ZPBP: variants seen among roughly 807,000 people sequenced by gnomAD.
ZPBP encodes the protein zona pellucida binding protein, also known as zona pellucida-binding protein 1.
In ZPBP, 26 loss-of-function variants were observed where a neutral mutation model predicts 44.8. The observed-to-expected ratio is 0.58, with a 90% CI of 0.43 to 0.81. The LOEUF is 0.81. Ranked by LOEUF, ZPBP falls within the 30% of genes least tolerant of loss-of-function variation. The pLI is 0.00. For synonymous variants in ZPBP, 174 were observed against 153.2 expected, an observed-to-expected ratio of 1.14 and a Z score of -1.00; for missense variants, 409 against 434.0, an observed-to-expected ratio of 0.94 and a Z score of 0.51.
At chr7:49,968,803 C>T (rs1304766377) in intron 7 of ZPBP, among the ~76,000 whole-genome samples, 1 of 151,746 alleles carries the variant, frequency 6.6e-6, no homozygotes, top group African/African-American at 2.4e-5. Flanking sequence ...AATAATAGCA[C>T]AAATAAATTC....
intron 6 of ZPBP, among the ~76,000 whole-genome samples, chr7:50,015,931 T>C (rs368699949): frequency 6.6e-5 from 10 of 152,230 alleles, no homozygotes; most frequent in Middle Eastern, 3.4e-3. Flanking sequence ...GGTAAGGTTA[T>C]AGAGAAAAGA....
At chr7:49,940,235 T>C (rs895141020) in intron 7 of ZPBP, among the ~76,000 whole-genome samples, 2 of 152,130 alleles carry the variant, frequency 1.3e-5, no homozygotes, top group African/African-American at 4.8e-5. Context: ...CTTTTGGCCT[T>C]TGCAGATCTC....
chr7:50,023,033 T>C (rs933651793), intron 5 of ZPBP, among the ~76,000 whole-genome samples: 1 of 152,036 alleles, frequency 6.6e-6, no homozygotes, highest in African/African-American at 2.4e-5. Context: ...AGGAGAAAAG[T>C]AACCACTTAG....
chr7:49,903,465 G>A (rs1245893448), intron 1 of ZPBP, among the ~76,000 whole-genome samples: 1 of 152,176 alleles, frequency 6.6e-6, no homozygotes, highest in Non-Finnish European at 1.5e-5. Context: ...GCTTTATGCT[G>A]AGTTTTAAAA....
At chr7:49,940,620 C>A (rs1794833531) in intron 7 of ZPBP, 1 of 278,096 alleles carries the variant, frequency 3.6e-6, no homozygotes, top group Non-Finnish European at 5.4e-6. Context: ...CTATGGAAAC[C>A]AGCCATAGGT....
At chr7:49,999,596 G>A (rs1379525170) in intron 6 of ZPBP, among the ~76,000 whole-genome samples, 3 of 152,168 alleles carry the variant, frequency 2.0e-5, no homozygotes, top group Non-Finnish European at 2.9e-5. Context: ...AGAACCAAAA[G>A]ATGATGGTCT....
intron 3 of ZPBP, among the ~76,000 whole-genome samples, chr7:50,065,523 A>G (rs1362564593): frequency 6.6e-6 from 1 of 150,990 alleles, no homozygotes; most frequent in Non-Finnish European, 1.5e-5. Flanking sequence ...GCGATACAGT[A>G]CTTTTCAATT....
intron 6 of ZPBP, among the ~76,000 whole-genome samples, chr7:49,986,447 A>T (rs1292032516): frequency 6.6e-6 from 1 of 152,134 alleles, no homozygotes; most frequent in Admixed American, 6.5e-5. Flanking sequence ...CCTGCGTGGC[A>T]GGCTGGCCAG....
At chr7:49,999,111 TC>T (rs1178683182) in intron 6 of ZPBP, among the ~76,000 whole-genome samples, 1 of 151,910 alleles carries the variant, frequency 6.6e-6, no homozygotes. Flanking sequence ...ACACTTCTGG[TC>T]CCAAGCATTT....
chr7:49,953,998 G>A (rs967330829), intron 7 of ZPBP, among the ~76,000 whole-genome samples: 4 of 151,714 alleles, frequency 2.6e-5, no homozygotes, highest in South Asian at 2.1e-4. Flanking sequence ...CTAAATAGTC[G>A]AAAAAAATCG....
intron 4 of ZPBP, among the ~76,000 whole-genome samples, chr7:50,052,217 T>G (rs1256273910): frequency 6.6e-6 from 1 of 152,180 alleles, no homozygotes; most frequent in Non-Finnish European, 1.5e-5. Context: ...TCTATCTATC[T>G]GTATATGTGT....
intron 5 of ZPBP, among the ~76,000 whole-genome samples, chr7:50,023,473 A>G (rs1799187511): frequency 6.6e-6 from 1 of 152,086 alleles, no homozygotes; most frequent in Non-Finnish European, 1.5e-5. Context: ...CTCTAGTACT[A>G]CGATAAACAG....
At chr7:49,967,639 C>T (rs769509035) in intron 7 of ZPBP, among the ~76,000 whole-genome samples, 2 of 152,050 alleles carry the variant, frequency 1.3e-5, no homozygotes, top group African/African-American at 4.8e-5. Flanking sequence ...CTCCGCCTCC[C>T]GGGTTCAAGC....
chr7:49,966,486 A>G (rs1430530305), intron 7 of ZPBP, among the ~76,000 whole-genome samples: 1 of 152,208 alleles, frequency 6.6e-6, no homozygotes, highest in Non-Finnish European at 1.5e-5. Context: ...TTAGGCATGC[A>G]AAGTACATAC....
At chr7:50,062,654 T>A (rs1801300541) in intron 3 of ZPBP, among the ~76,000 whole-genome samples, 1 of 152,086 alleles carries the variant, frequency 6.6e-6, no homozygotes, top group African/African-American at 2.4e-5. Flanking sequence ...CCCTTCCTTC[T>A]ACCATATATA....
chr7:50,089,765 T>G, intron 1 of ZPBP, 56 bp from the exon 2 acceptor site: 2 of 1,327,712 alleles, frequency 1.5e-6, no homozygotes, highest in Non-Finnish European at 2.1e-6. Flanking sequence ...AATATTCAAA[T>G]ATACTATTAC....
intron 3 of ZPBP, among the ~76,000 whole-genome samples, chr7:50,069,174 T>G (rs1378831840): frequency 6.6e-6 from 1 of 152,170 alleles, no homozygotes; most frequent in African/African-American, 2.4e-5. Context: ...TTAACTTAAC[T>G]CCTTAGAGGC....
At chr7:49,988,520 T>C (rs548080818) in intron 6 of ZPBP, among the ~76,000 whole-genome samples, 2 of 152,340 alleles carry the variant, frequency 1.3e-5, no homozygotes, top group African/African-American at 4.8e-5. Context: ...AAATTCTGAG[T>C]ATATGCTATC....
intron 7 of ZPBP, among the ~76,000 whole-genome samples, chr7:49,977,247 T>C (rs1221607933): frequency 6.6e-6 from 1 of 152,114 alleles, no homozygotes; most frequent in Non-Finnish European, 1.5e-5. Context: ...AATATAATGA[T>C]TCAAAATAAG....
Sources: allele counts gnomAD v4.1 joint callset (sites outside exome capture counted in the v4.1 genomes callset), GRCh38; gene constraint gnomAD v4.1.1; transcripts MANE v1.5; gene names NCBI Gene and HGNC (gene_info 2026-07-23, HGNC 2026-07-21).